The following NWD2 variants were observed in gnomAD, a reference collection of about 807,000 sequenced individuals.
The protein encoded by NWD2 is NACHT and WD repeat domain containing 2, also known as NACHT and WD repeat domain-containing protein 2.
In NWD2, 37 loss-of-function variants were observed where a neutral mutation model predicts 132.7. The observed-to-expected ratio is 0.28, with a 90% confidence interval of 0.21 to 0.37. The LOEUF is 0.37. NWD2 is among the 10% of genes least tolerant of loss of function. The pLI is 1.00. For missense variants in NWD2, 1,592 were observed against 2,122.4 expected, an observed-to-expected ratio of 0.75 and a Z score of 4.91; for synonymous variants, 705 against 803.0, an observed-to-expected ratio of 0.88 and a Z score of 2.06.
At chr4:37,369,421 C>G (rs369965106) in intron 3 of NWD2, among the ~76,000 whole-genome samples, 2 of 152,124 alleles carry the variant, frequency 1.3e-5, no homozygotes, top group South Asian at 4.2e-4. Context: ...TCCCCCACTT[C>G]CCTGTCTCTA....
At chr4:37,330,520 C>G (rs1005091687) in intron 2 of NWD2, among the ~76,000 whole-genome samples, 4 of 152,116 alleles carry the variant, frequency 2.6e-5, no homozygotes, top group African/African-American at 9.7e-5. Flanking sequence ...CCCAGAGATA[C>G]CATCCACTCT....
intron 1 of NWD2, among the ~76,000 whole-genome samples, chr4:37,250,283 A>G (rs1717332714): frequency 6.6e-6 from 1 of 152,206 alleles, no homozygotes; most frequent in South Asian, 2.1e-4. Flanking sequence ...CATTTAGAGT[A>G]AATGAGTTCT....
At chr4:37,328,171 C>CT (rs1269542175) in intron 2 of NWD2, among the ~76,000 whole-genome samples, 8 of 152,162 alleles carry the variant, frequency 5.3e-5, no homozygotes, top group African/African-American at 1.2e-4. Context: ...TACTCACTGC[C>CT]TTTATCTTCA....
intron 2 of NWD2, among the ~76,000 whole-genome samples, chr4:37,344,525 A>C (rs995073270): frequency 5.3e-5 from 8 of 152,172 alleles, no homozygotes; most frequent in African/African-American, 1.9e-4. Flanking sequence ...ATGCAAAACT[A>C]TTACAAAAGA....
chr4:37,438,135 C>T (rs1321689645), intron 5 of NWD2, among the ~76,000 whole-genome samples: 2 of 152,024 alleles, frequency 1.3e-5, no homozygotes, highest in Non-Finnish European at 2.9e-5. Context: ...GTGGCGGGTG[C>T]CTGTAGTCCC....
intron 2 of NWD2, among the ~76,000 whole-genome samples, chr4:37,349,767 A>G (rs779165686): frequency 6.6e-6 from 1 of 152,202 alleles, no homozygotes; most frequent in Admixed American, 6.5e-5. Flanking sequence ...GCCCATGCCT[A>G]TGACCTGAAT....
chr4:37,417,920 T>C (rs1306660234), intron 3 of NWD2, among the ~76,000 whole-genome samples: 1 of 152,146 alleles, frequency 6.6e-6, no homozygotes, highest in Non-Finnish European at 1.5e-5. Flanking sequence ...GAGATAGAAA[T>C]ATTTATGGAT....
intron 3 of NWD2, among the ~76,000 whole-genome samples, chr4:37,380,295 C>T (rs917973268): frequency 6.6e-6 from 1 of 152,158 alleles, no homozygotes; most frequent in Non-Finnish European, 1.5e-5. Context: ...AGACACAGCT[C>T]CTAATGTGTG....
At position 37,383,174 on chromosome 4, in the gene NWD2, G is replaced by A. The variant is rs570206473; in HGVS notation, c.357+26692G>A. 5.7e-4 allele frequency among the ~76,000 whole-genome samples: 87 copies of A among 152,132 alleles called. 1 individual carries two copies. The highest frequency in any genetic ancestry group is 1.0e-3 in the Non-Finnish European group (71 of 68,030). ...CAGTAGCAGTCTTTTAGGAAGACCC[G>A]AGAATTTCTGACAATTTAACCTTAA... On this transcript the variant is annotated intron_variant, in intron 3 of 6. Coordinates refer to ENST00000309447, the MANE Select transcript of NWD2 (RefSeq NM_001144990.2).
rs372421687 is a variant in NWD2, at chr4:37,446,090, A to T, written c.4102A>T (p.Thr1368Ser). Residue 1368 changes from threonine to serine, a missense_variant, in exon 7 of 7, where the codon ACC becomes TCC. Transcript: ENST00000309447. The surrounding 1 kb of genome is among the most constrained non-coding windows in gnomAD (Gnocchi z 6.7). ...GIVEHCVLTSTGDIMVTSDDK... is the reference protein window; with the variant it reads ...GIVEHCVLTSSGDIMVTSDDK... Reference sequence around the variant, plus strand: ...AGTTGAACACTGTGTGTTAACATCCACCGGAGATATAATGGTGACATCAGA... The same window carrying T: ...AGTTGAACACTGTGTGTTAACATCCTCCGGAGATATAATGGTGACATCAGA... The T allele has an allele frequency of 6.4e-7, 1 of 1,551,730 alleles. No homozygotes were observed. Among genetic ancestry groups the T allele is most frequent in the South Asian group, 1.2e-5 (1 of 84,064 alleles).
At chr4:37,320,296 G>T (rs1719042929) in intron 1 of NWD2, among the ~76,000 whole-genome samples, 2 of 152,218 alleles carry the variant, frequency 1.3e-5, no homozygotes, top group Non-Finnish European at 2.9e-5. Flanking sequence ...GTGATCAGCA[G>T]TAGAAGATAG....
chr4:37,323,020 A>G (rs970644036), intron 1 of NWD2, among the ~76,000 whole-genome samples: 21 of 149,868 alleles, frequency 1.4e-4, no homozygotes, highest in Admixed American at 6.7e-5. Flanking sequence ...TCTGGATTCA[A>G]TTCTGGGTTT....
At chr4:37,342,211 C>A (rs976060480) in intron 2 of NWD2, among the ~76,000 whole-genome samples, 3 of 152,124 alleles carry the variant, frequency 2.0e-5, no homozygotes, top group Admixed American at 2.0e-4. Context: ...AGTGAGTTTT[C>A]ATTCTATCAG....
chr4:37,329,969 A>G (rs1719257844), intron 2 of NWD2, among the ~76,000 whole-genome samples: 1 of 152,206 alleles, frequency 6.6e-6, no homozygotes, highest in South Asian at 2.1e-4. Flanking sequence ...ACTTATCCCA[A>G]TGGCCAGTCA....
chr4:37,345,253 G>A (rs1719612130), intron 2 of NWD2, among the ~76,000 whole-genome samples: 1 of 152,112 alleles, frequency 6.6e-6, no homozygotes, highest in Non-Finnish European at 1.5e-5. Flanking sequence ...AGAATTATCA[G>A]GTCATGTGGT....
chr4:37,441,407 G>C (rs1396752905), intron 6 of NWD2, among the ~76,000 whole-genome samples: 1 of 152,108 alleles, frequency 6.6e-6, no homozygotes, highest in Non-Finnish European at 1.5e-5. Flanking sequence ...AATCACCCTA[G>C]GGCCCTTTTC....
intron 1 of NWD2, among the ~76,000 whole-genome samples, chr4:37,272,280 T>C (rs936335885): frequency 5.9e-5 from 9 of 151,754 alleles, no homozygotes; most frequent in Admixed American, 3.3e-4. Context: ...AATATGTTTG[T>C]CTGCATTTGG....
intron 3 of NWD2, among the ~76,000 whole-genome samples, chr4:37,405,441 G>C (rs975742951): frequency 6.5e-5 from 5 of 77,282 alleles, no homozygotes; most frequent in African/African-American, 2.1e-4. Context: ...GAATAGAATA[G>C]AATAGAATAG....
Position 37,339,660 on chromosome 4 carries a change from C to T in NWD2, c.240+13636C>T, listed in dbSNP as rs148890266. On this transcript the variant is annotated intron_variant, in intron 2 of 6. Coordinates refer to ENST00000309447, the MANE Select transcript of NWD2 (RefSeq NM_001144990.2). ...TGAGGCCTTTCTCAAATTCTGAGCA[C>T]GTGGCAGCTATTTCTTTTTCTTTCT... 2.4e-3 allele frequency among the ~76,000 whole-genome samples: 368 copies of T among 152,262 alleles called. 1 individual carries two copies. Among genetic ancestry groups the T allele is most frequent in the East Asian group, 0.022 (112 of 5,182 alleles).
Sources: allele counts gnomAD v4.1 joint callset (sites outside exome capture counted in the v4.1 genomes callset), GRCh38; gene constraint gnomAD v4.1.1; non-coding constraint Gnocchi (gnomAD v3.1); transcripts MANE v1.5; gene names NCBI Gene and HGNC (gene_info 2026-07-23, HGNC 2026-07-21).